KIAA2013: variants seen among roughly 807,000 people sequenced by gnomAD.
KIAA2013 encodes KIAA2013.
Under a neutral mutation model 39.9 loss-of-function variants are expected in KIAA2013, and 20 were observed. The ratio of observed to expected loss-of-function variants is 0.50; its 90% CI spans 0.35 to 0.73. KIAA2013 has a LOEUF of 0.73. Among genes scored for constraint, KIAA2013 ranks in the 30% least tolerant of loss-of-function variants. The pLI is 0.01. For synonymous variants in KIAA2013, 336 were observed against 416.6 expected (o/e 0.81, Z 2.35); for missense variants, 587 against 856.1 (o/e 0.69, Z 3.92).
In KIAA2013 at chr1:11,925,277, C is replaced by G. The variant is rs766680964; in HGVS notation, c.961G>C (p.Glu321Gln). The change falls in exon 1 of 3, where the codon GAG becomes CAG. Residue 321 changes from glutamate (E) to glutamine (Q), a missense_variant. Physicochemically the swap from Glu to Gln is conservative, Grantham distance 29 (BLOSUM62 2). Coordinates refer to ENST00000376572, the MANE Select transcript of KIAA2013 (RefSeq NM_138346.3). The surrounding 1 kb of genome is among the most constrained non-coding windows in gnomAD (Gnocchi z 5.2). ...LQDLARKEML[E>Q]LLDMPAAELL... ...TCCGCCGCTGGCATGTCCAAGAGCT[C>G]CAGCATTTCCTTCCGTGCCAAGTCC... 3.1e-6 allele frequency: 5 copies of G among 1,612,888 alleles called. No individual in the cohort carries two copies. The highest frequency in any genetic ancestry group is 4.2e-6 in the Non-Finnish European group (5 of 1,179,482).
rs760625409 is a variant in KIAA2013 at position 11,923,419 on chromosome 1, G to A, written c.1104C>T (p.Tyr368=). The change falls in exon 2 of 3, where the codon TAC becomes TAT. Residue 368 remains tyrosine (Y), a synonymous_variant. Coordinates refer to ENST00000376572, the MANE Select transcript of KIAA2013 (RefSeq NM_138346.3). This position sits in a 1 kb window ranked among gnomAD's most constrained non-coding sequence, Gnocchi z 4.6. ...GTGGGGCTGGCGAGCAGGAGAGCAT[G>A]TAATAGAGCGTCAGGTTCACGGTGA... The part of the protein sequence containing the change: ...SGLTVNLTLY[Y]MLSCSPAPLL... 1.2e-6 allele frequency: 2 copies of A among 1,612,120 alleles called. No individual in the cohort carries two copies. The highest frequency in any genetic ancestry group is 8.5e-7 in the Non-Finnish European group (1 of 1,180,016).
At position 11,923,317 on chromosome 1, in the gene KIAA2013, G is replaced by A. The variant is rs1233465507; in HGVS notation, c.1206C>T (p.Ser402=). ...STLNYEDHCF[S]GHATMHAENL... ...TCTCGGCGTGCATGGTGGCGTGCCC[G>A]CTGAAGCAGTGATCTTCATAGTTGA... The change falls in exon 2 of 3, where the codon AGC becomes AGT. Residue 402 remains serine, a synonymous_variant. Coordinates refer to ENST00000376572, the MANE Select transcript of KIAA2013 (RefSeq NM_138346.3). This position sits in a 1 kb window ranked among gnomAD's most constrained non-coding sequence, Gnocchi z 4.6. The A allele has an allele frequency of 2.2e-5, 36 of 1,613,404 alleles. No individual in the cohort carries two copies. The highest frequency in any genetic ancestry group is 2.9e-5 in the Non-Finnish European group (34 of 1,179,660).
intron 2 of KIAA2013, 29 bp downstream of exon 2, chr1:11,922,607 C>G (rs201115539): frequency 6.2e-7 from 1 of 1,609,252 alleles, no homozygotes; most frequent in Non-Finnish European, 8.5e-7. Flanking sequence ...GCCAAGGCCT[C>G]GGGTTTCGAC....
rs1645485990 is a variant in KIAA2013, at chr1:11,923,272, C to T, written c.1251G>A (p.Leu417=). Residue 417 remains leucine, a synonymous_variant, in exon 2 of 3, where the codon CTG becomes CTA. Coordinates refer to ENST00000376572, the MANE Select transcript of KIAA2013 (RefSeq NM_138346.3). The surrounding 1 kb of genome is among the most constrained non-coding windows in gnomAD (Gnocchi z 4.6). Reference sequence around the variant, plus strand: ...GCTGCAGGATCTGCTGGACGGAGGACAGCCGCCCCGGCCACAGGTTCTCGG... The same window carrying T: ...GCTGCAGGATCTGCTGGACGGAGGATAGCCGCCCCGGCCACAGGTTCTCGG... The part of the protein sequence containing the change: ...MHAENLWPGR[L]SSVQQILQLS... 6.2e-7 allele frequency: 1 copy of T among 1,613,234 alleles called. No individual in the cohort carries two copies. Among genetic ancestry groups the T allele is most frequent in the South Asian group, 1.1e-5 (1 of 91,018 alleles).
intron 2 of KIAA2013, 149 bp downstream of exon 2, chr1:11,922,487 T>G: frequency 5.3e-6 from 8 of 1,511,928 alleles, no homozygotes; most frequent in Non-Finnish European, 7.1e-6. Flanking sequence ...AAAACACTTG[T>G]GCGCGCTCTC....
At position 11,926,130 on chromosome 1, in the gene KIAA2013, C is replaced by T. The variant is rs1459289060; in HGVS notation, c.108G>A (p.Gly36=). The T allele has an allele frequency of 7.8e-6, 11 of 1,407,304 alleles. No individual in the cohort carries two copies. The highest frequency in any genetic ancestry group is 9.3e-6 in the Non-Finnish European group (10 of 1,075,074). 87.2% of individuals were successfully genotyped at this position (1,407,304 alleles called of 1,614,324 possible). The change falls in exon 1 of 3, where the codon GGG becomes GGA. Residue 36 remains glycine (G), a synonymous_variant. Transcript: ENST00000376572. ...CCGCCGCCCGCCGCGCGCCGGACCCCCCAAACCACAGAAGCAGCAGCAGGA... is the reference window on the plus strand; with the variant it reads ...CCGCCGCCCGCCGCGCGCCGGACCCTCCAAACCACAGAAGCAGCAGCAGGA... ...LGLLLLLLWF[G]GSGARRAAGG... is the part of the protein sequence containing the mutation.
chr1:11,925,309 G>A lies in KIAA2013; in HGVS notation c.929C>T (p.Ala310Val), dbSNP rs1428204479. ...LKSKAAKELK[A>V]LQDLARKEML... Reference sequence around the variant, plus strand: ...TTCCTTCCGTGCCAAGTCCTGCAGCGCCTTGAGCTCCTTGGCTGCTTTGCT... The same window carrying A: ...TTCCTTCCGTGCCAAGTCCTGCAGCACCTTGAGCTCCTTGGCTGCTTTGCT... The change falls in exon 1 of 3, where the codon GCG (alanine) becomes GTG (valine). Residue 310 changes from alanine to valine, a missense_variant. Ala to Val is a moderately conservative substitution (Grantham distance 64). Coordinates refer to ENST00000376572, the MANE Select transcript of KIAA2013 (RefSeq NM_138346.3). The surrounding 1 kb of genome is among the most constrained non-coding windows in gnomAD (Gnocchi z 5.2). The A allele has an allele frequency of 6.2e-7, 1 of 1,613,750 alleles. No homozygotes were observed.
rs1645501753 is a variant in KIAA2013 at position 11,925,672 on chromosome 1, TG to T, written c.565del (p.Gln189LysfsTer82). ...AGSGRDCVLL[Q>X]EDFLAHRGRP... ...GCCCCTGTGCGCCAGAAAGTCCTCT[TG>T]CAGCAGCACGCAGTCGCGGCCGGAC... is the stretch of plus-strand genomic sequence containing the variant. On this transcript the variant is annotated frameshift_variant, in exon 1 of 3. Coordinates refer to ENST00000376572, the MANE Select transcript of KIAA2013 (RefSeq NM_138346.3). LOFTEE classifies it high-confidence loss of function. The surrounding 1 kb of genome is among the most constrained non-coding windows in gnomAD (Gnocchi z 5.2). 1 of 1,605,414 alleles carries T rather than the reference TG, an allele frequency of 6.2e-7. No individual in the cohort carries two copies.
rs545360546 is a variant in KIAA2013, at chr1:11,923,410, G to T, written c.1113C>A (p.Ser371=). The change falls in exon 2 of 3, where the codon TCC becomes TCA. Residue 371 remains serine (S), a synonymous_variant. Coordinates refer to ENST00000376572, the MANE Select transcript of KIAA2013 (RefSeq NM_138346.3). This position sits in a 1 kb window ranked among gnomAD's most constrained non-coding sequence, Gnocchi z 4.6. ...TVNLTLYYML[S]CSPAPLLSPS... Reference sequence around the variant, plus strand: ...GGCTGAGCAGTGGGGCTGGCGAGCAGGAGAGCATGTAATAGAGCGTCAGGT... The same window carrying T: ...GGCTGAGCAGTGGGGCTGGCGAGCATGAGAGCATGTAATAGAGCGTCAGGT... The T allele has an allele frequency of 3.1e-6, 5 of 1,612,592 alleles. No homozygotes were observed. In the African/African-American group the frequency reaches 5.3e-5, roughly 17 times the overall value.
chr1:11,920,428 C>T, intron 2 of KIAA2013, 96 bp from the exon 3 acceptor site: 2 of 1,267,314 alleles, frequency 1.6e-6, no homozygotes, highest in Non-Finnish European at 1.2e-6. Flanking sequence ...AGTGGCACCA[C>T]ACCCTGGCTC....
Position 11,925,189 on chromosome 1 carries a change from G to T in KIAA2013, c.1033+16C>A. 1.3e-6 allele frequency: 2 copies of T among 1,547,088 alleles called. No homozygotes were observed. Among genetic ancestry groups the T allele is most frequent in the East Asian group, 4.5e-5 (2 of 44,326 alleles). On this transcript the variant is annotated intron_variant, in intron 1 of 2. Coordinates refer to ENST00000376572, the MANE Select transcript of KIAA2013 (RefSeq NM_138346.3). This position sits in a 1 kb window ranked among gnomAD's most constrained non-coding sequence, Gnocchi z 5.2. ...GGGACATATCTAGGGTGGACCAAGCGCTGGCCAGGACTCACCTGGGCTGAA... is the reference window on the plus strand; with the variant it reads ...GGGACATATCTAGGGTGGACCAAGCTCTGGCCAGGACTCACCTGGGCTGAA...
intron 2 of KIAA2013, among the ~76,000 whole-genome samples, chr1:11,920,533 G>A (rs1036843694): frequency 6.6e-6 from 1 of 152,226 alleles, no homozygotes; most frequent in African/African-American, 2.4e-5. Context: ...CCCAGCTTGA[G>A]CCTAAGTCAA....
Position 11,925,575 on chromosome 1 carries a change from C to A in KIAA2013, c.663G>T (p.Val221=). Residue 221 remains valine, a synonymous_variant, in exon 1 of 3, where the codon GTG becomes GTT. Transcript: ENST00000376572. The surrounding 1 kb of genome is among the most constrained non-coding windows in gnomAD (Gnocchi z 5.2). ...TGGGGGCTGGGCCGGCAGTGGGCCCCACAGTCTGCAGCGCGGCCACGCGCT... is the reference window on the plus strand; with the variant it reads ...TGGGGGCTGGGCCGGCAGTGGGCCCAACAGTCTGCAGCGCGGCCACGCGCT... ...PTERVAALQT[V]GPTAGPAPKA... 1 of 1,608,882 alleles carries A rather than the reference C, an allele frequency of 6.2e-7. No homozygotes were observed. Among genetic ancestry groups the A allele is most frequent in the African/African-American group, 1.3e-5 (1 of 74,990 alleles).
At position 11,926,413 on chromosome 1, in the gene KIAA2013, C is replaced by T; in HGVS notation, c.-176G>A. ...CTTCCTCCTTCTTCTCGGTGGCCTC[C>T]AGCCGTCAAACGACGCCGGCGGTCA... On this transcript the variant is annotated 5_prime_UTR_variant, in exon 1 of 3. Transcript: ENST00000376572. 1 of 161,778 alleles carries T rather than the reference C, an allele frequency of 6.2e-6. No homozygotes were observed. Among genetic ancestry groups the T allele is most frequent in the Non-Finnish European group, 1.3e-5 (1 of 76,942 alleles). The allele number at this position is 161,778 out of a possible 1,614,324, so 10.0% of individuals were successfully genotyped here. A position where few individuals can be genotyped will look rare whatever the true frequency, so the allele number is the denominator to read the frequency against.
At chr1:11,924,327 G>A (rs1461492321) in intron 1 of KIAA2013, among the ~76,000 whole-genome samples, 2 of 136,106 alleles carry the variant, frequency 1.5e-5, no homozygotes, top group African/African-American at 2.7e-5. Flanking sequence ...CTGACCTCAG[G>A]TGATCCACCT....
chr1:11,925,825 C>T lies in KIAA2013; in HGVS notation c.413G>A (p.Gly138Glu), dbSNP rs756717600. The T allele has an allele frequency of 1.3e-6, 2 of 1,535,658 alleles. No individual in the cohort carries two copies. The highest frequency in any genetic ancestry group is 1.4e-5 in the African/African-American group (1 of 71,622). ...CTCCCGCAGCAGCAGCACCGCCTCT[C>T]CAGCTTCAGCCAGCGCGCTCAGCGG... ...LRPLSALAEA[G>E]EAVLLLREGL... Residue 138 changes from glycine (G) to glutamate (E), a missense_variant, in exon 1 of 3, where the codon GGA becomes GAA. Physicochemically the swap from Gly to Glu is moderately conservative, Grantham distance 98. Transcript: ENST00000376572. The surrounding 1 kb of genome is among the most constrained non-coding windows in gnomAD (Gnocchi z 5.2).
rs1287027677 is a variant in KIAA2013 at position 11,923,495 on chromosome 1, A to G, written c.1034-6T>C. ...GATCTTCTTCATTTCCACTCCTGCA[A>G]CACCATGAAAGCGGCATGTTAAGGG... On this transcript the variant is annotated splice_polypyrimidine_tract_variant and splice_region_variant and intron_variant, in intron 1 of 2. Transcript: ENST00000376572. This position sits in a 1 kb window ranked among gnomAD's most constrained non-coding sequence, Gnocchi z 4.6. 1 of 1,602,228 alleles carries G rather than the reference A, an allele frequency of 6.2e-7. No homozygotes were observed. Among genetic ancestry groups the G allele is most frequent in the South Asian group, 1.1e-5 (1 of 91,060 alleles).
chr1:11,923,718 G>T lies in KIAA2013; in HGVS notation c.1034-229C>A, dbSNP rs188701791. Among the ~76,000 whole-genome samples, 10 of 152,316 alleles carry T rather than the reference G, an allele frequency of 6.6e-5. No homozygotes were observed. The East Asian group carries it at 1.9e-3, about 29-fold the overall frequency. On this transcript the variant is annotated intron_variant, in intron 1 of 2. Coordinates refer to ENST00000376572, the MANE Select transcript of KIAA2013 (RefSeq NM_138346.3). The surrounding 1 kb of genome is among the most constrained non-coding windows in gnomAD (Gnocchi z 4.6). ...TCCTGTTAAAAAGCAGCGGGGCCTG[G>T]TGCCAGAGCCCAGAGGAACACAGAC...
chr1:11,922,487 T>A, intron 2 of KIAA2013, 149 bp downstream of exon 2: 1 of 1,511,924 alleles, frequency 6.6e-7, no homozygotes, highest in East Asian at 2.5e-5. Flanking sequence ...AAAACACTTG[T>A]GCGCGCTCTC....
Sources: gnomAD v4.1 joint callset for allele counts (sites outside exome capture counted in the v4.1 genomes callset) on GRCh38, gnomAD v4.1.1 for gene constraint, Gnocchi (gnomAD v3.1) non-coding constraint, MANE v1.5 for transcripts, NCBI Gene and HGNC (gene_info 2026-07-23, HGNC 2026-07-21) for gene names.